Variants in GLRA2 observed in about 807,000 individuals in gnomAD.
The protein encoded by GLRA2 is glycine receptor subunit alpha-2.
Under a neutral mutation model 31.6 loss-of-function variants are expected in GLRA2, and 11 were observed. That is an observed-to-expected ratio of 0.35 (90% CI 0.22 to 0.58). GLRA2 has a LOEUF of 0.58. GLRA2 is among the 20% of genes least tolerant of loss of function. GLRA2 has a pLI of 0.84. For synonymous variants in GLRA2, 132 were observed against 134.0 expected, an observed-to-expected ratio of 0.99 and a Z score of 0.10; for missense variants, 212 against 351.8, an observed-to-expected ratio of 0.60 and a Z score of 3.18.
rs149081299 is a variant in GLRA2, at chrX:14,642,489, T to C, written c.930+33284T>C. Among the ~76,000 whole-genome samples, 11 of 111,750 alleles carry C rather than the reference T, an allele frequency of 9.8e-5. No homozygotes were observed. The East Asian group carries it at 2.8e-3, about 29-fold the overall frequency. On this transcript the variant is annotated intron_variant, in intron 7 of 8. Coordinates refer to ENST00000218075, the MANE Select transcript of GLRA2 (RefSeq NM_002063.4). ...TGCCTGTCCTTCTTCTGCTGAGTCATTGGATTTCAGAAGGGAATCACATCC... is the reference window on the plus strand; with the variant it reads ...TGCCTGTCCTTCTTCTGCTGAGTCACTGGATTTCAGAAGGGAATCACATCC...
the GLRA2 span, among the ~76,000 whole-genome samples, chrX:14,449,849 G>A: frequency 0.02 from 2,295 of 112,001 alleles, 76 homozygotes; most frequent in African/African-American, 0.07. Flanking sequence ...CCTGAGCTGA[G>A]GTTGGGGAGG....
rs769929573 is a variant in GLRA2, at chrX:14,671,448, A to T, written c.931-19262A>T. On this transcript the variant is annotated intron_variant, in intron 7 of 8. Coordinates refer to ENST00000218075, the MANE Select transcript of GLRA2 (RefSeq NM_002063.4). ...AAGAGAAAAGGCAAACAAGTGTATT[A>T]TTGAGTTGGTTACCATGAGGGACAA... Among the ~76,000 whole-genome samples the T allele has an allele frequency of 2.2e-3, 243 of 112,242 alleles. 2 individuals carry two copies. The highest frequency in any genetic ancestry group is 7.1e-3 in the African/African-American group (219 of 30,900).
At chrX:14,641,545 G>A (rs1342858351) in intron 7 of GLRA2, among the ~76,000 whole-genome samples, 1 of 111,290 alleles carries the variant, frequency 9.0e-6, no homozygotes, top group African/African-American at 3.3e-5. Context: ...TATAAAATGA[G>A]GATAATAATA....
At chrX:14,727,160 C>A (rs907993836) in intron 8 of GLRA2, among the ~76,000 whole-genome samples, 3 of 111,388 alleles carry the variant, frequency 2.7e-5, no homozygotes, top group African/African-American at 6.5e-5. Flanking sequence ...GTCACTGGAT[C>A]TTTAAAAAAA....
the GLRA2 span, among the ~76,000 whole-genome samples, chrX:14,489,945 G>A: frequency 9.2e-6 from 1 of 109,269 alleles, no homozygotes; most frequent in African/African-American, 3.3e-5. Flanking sequence ...ATAGTACAAT[G>A]TCTTTCCAAA....
intron 7 of GLRA2, among the ~76,000 whole-genome samples, chrX:14,636,636 T>C (rs753814758): frequency 9.0e-6 from 1 of 111,141 alleles, no homozygotes; most frequent in Non-Finnish European, 1.9e-5. Flanking sequence ...CTGGATGGAA[T>C]CCTTGAACAA....
chrX:14,471,468 G>A, the GLRA2 span, among the ~76,000 whole-genome samples: 2 of 111,782 alleles, frequency 1.8e-5, no homozygotes, highest in South Asian at 3.7e-4. Flanking sequence ...CCCAGTTTAC[G>A]GGATGTAAAC....
the GLRA2 span, among the ~76,000 whole-genome samples, chrX:14,484,243 G>A: frequency 8.9e-6 from 1 of 111,979 alleles, no homozygotes; most frequent in South Asian, 3.7e-4. Context: ...CAAAAGTGGA[G>A]TCATGTTGAT....
chrX:14,660,526 G>C (rs1018882419), intron 7 of GLRA2, among the ~76,000 whole-genome samples: 1 of 111,867 alleles, frequency 8.9e-6, no homozygotes, highest in Non-Finnish European at 1.9e-5. Flanking sequence ...GTATGACTTA[G>C]GTTTTAAAAA....
intron 4 of GLRA2, among the ~76,000 whole-genome samples, chrX:14,589,586 A>G (rs1229263451): frequency 9.4e-6 from 1 of 106,211 alleles, no homozygotes; most frequent in Non-Finnish European, 1.9e-5. Context: ...CAGGAGAATC[A>G]CTGGAACTCA....
the GLRA2 span, among the ~76,000 whole-genome samples, chrX:14,457,046 G>A: frequency 9.0e-6 from 1 of 111,725 alleles, no homozygotes; most frequent in Admixed American, 9.5e-5. Flanking sequence ...CTTGATATTA[G>A]CCATCCTAAC....
At chrX:14,699,339 C>G (rs779867843) in intron 8 of GLRA2, among the ~76,000 whole-genome samples, 1 of 112,352 alleles carries the variant, frequency 8.9e-6, no homozygotes, top group African/African-American at 3.2e-5. Flanking sequence ...ATAGCCCTGA[C>G]TTCTTTTTGT....
At chrX:14,684,724 A>G (rs1428661760) in intron 7 of GLRA2, among the ~76,000 whole-genome samples, 1 of 111,661 alleles carries the variant, frequency 9.0e-6, no homozygotes, top group Non-Finnish European at 1.9e-5. Context: ...GGCTGAGACC[A>G]TGGGGTTTTC....
At chrX:14,550,705 A>G (rs1040642907) in intron 2 of GLRA2, among the ~76,000 whole-genome samples, 3 of 111,874 alleles carry the variant, frequency 2.7e-5, no homozygotes, top group Non-Finnish European at 5.6e-5. Context: ...ACACATCATG[A>G]AAACAGACTT....
the GLRA2 span, among the ~76,000 whole-genome samples, chrX:14,457,011 A>G: frequency 9.0e-6 from 1 of 111,657 alleles, no homozygotes; most frequent in East Asian, 2.8e-4. Context: ...CCACGTCCTC[A>G]CCAACATTTG....
chrX:14,705,213 G>A (rs975686997), intron 8 of GLRA2, among the ~76,000 whole-genome samples: 2 of 112,130 alleles, frequency 1.8e-5, no homozygotes, highest in Admixed American at 1.9e-4. Flanking sequence ...TACATCAGAT[G>A]AACCTGGAGA....
intron 7 of GLRA2, among the ~76,000 whole-genome samples, chrX:14,617,862 C>T (rs1374998292): frequency 1.8e-5 from 2 of 111,904 alleles, no homozygotes; most frequent in East Asian, 2.8e-4. Flanking sequence ...AAAGTTATGG[C>T]TGCTAAGAAG....
chrX:14,458,532 T>C, the GLRA2 span, among the ~76,000 whole-genome samples: 5 of 112,149 alleles, frequency 4.5e-5, no homozygotes, highest in African/African-American at 1.6e-4. Context: ...CTCCAGCACC[T>C]GTTGTTTCCT....
chrX:14,725,164 C>G (rs1348635836), intron 8 of GLRA2, among the ~76,000 whole-genome samples: 1 of 111,701 alleles, frequency 9.0e-6, no homozygotes, highest in African/African-American at 3.3e-5. Flanking sequence ...ACAGGACTGA[C>G]CATGGTTTTA....
Sources: gnomAD v4.1 joint callset for allele counts (sites outside exome capture counted in the v4.1 genomes callset) on GRCh38, gnomAD v4.1.1 for gene constraint, MANE v1.5 for transcripts, NCBI Gene and HGNC (gene_info 2026-07-23, HGNC 2026-07-21) for gene names.